The following PCNX3 variants were observed in gnomAD, a reference collection of about 807,000 sequenced individuals.
PCNX3 encodes the protein pecanex 3.
A neutral mutation model predicts 207.2 loss-of-function variants in PCNX3; 58 were observed. That is an observed-to-expected ratio of 0.28 (90% CI 0.23 to 0.35). The LOEUF is 0.35. Ranked by LOEUF, PCNX3 falls within the 10% of genes least tolerant of loss-of-function variation. The pLI is 1.00. For synonymous variants in PCNX3, 1,337 were observed against 1,183.5 expected (o/e 1.13, Z -2.66); for missense variants, 2,410 against 2,774.4 (o/e 0.87, Z 2.95).
In PCNX3 at chr11:65,616,853, C is replaced by T. The variant is rs776059910; in HGVS notation, c.183C>T (p.Gly61=). The T allele has an allele frequency of 6.8e-6, 11 of 1,613,338 alleles. No homozygotes were observed. The highest frequency in any genetic ancestry group is 1.6e-4 in the Middle Eastern group (1 of 6,082). The stretch of plus-strand genomic sequence containing the variant: ...TGCCTCCCAGCTTGATGGTGGCCGG[C>T]GTGTACTGCCTCGTGGTGGCTGTCA... The part of the protein sequence containing the change: ...MVLPPSLMVA[G]VYCLVVAVIF... Residue 61 remains glycine (G), a synonymous_variant, in exon 2 of 35, where the codon GGC becomes GGT. Coordinates refer to ENST00000355703, the MANE Select transcript of PCNX3 (RefSeq NM_032223.4).
In PCNX3 at chr11:65,618,943, C is replaced by T; in HGVS notation, c.1581C>T (p.Ala527=). 6.2e-7 allele frequency: 1 copy of T among 1,605,910 alleles called. No individual in the cohort carries two copies. Among genetic ancestry groups the T allele is most frequent in the Non-Finnish European group, 8.5e-7 (1 of 1,177,688 alleles). The change falls in exon 6 of 35, where the codon GCC becomes GCT. Residue 527 remains alanine (A), a synonymous_variant. Transcript: ENST00000355703. ...PLAGCKAELE[A]QVGVEQAASE... is the part of the protein sequence containing the mutation. ...CTGGCTGCAAGGCAGAGCTGGAGGC[C>T]CAGGTTGGGGTGGAGCAGGCTGCTA...
chr11:65,627,029 C>T lies in PCNX3; in HGVS notation c.3505C>T (p.Pro1169Ser). 6.5e-7 allele frequency: 1 copy of T among 1,528,382 alleles called. No individual in the cohort carries two copies. Among genetic ancestry groups the T allele is most frequent in the Non-Finnish European group, 8.8e-7 (1 of 1,135,580 alleles). 94.7% of individuals were successfully genotyped at this position (1,528,382 alleles called of 1,614,324 possible). ...GGACGCCCACACAGTCGTCAGCCAC[C>T]CGGACAAGTACTGCTTCTAGTGAGG... ...TVDAHTVVSH[P>S]DKYCFYCRAL... The change falls in exon 21 of 35, where the codon CCG becomes TCG. Residue 1169 changes from proline (P) to serine (S), a missense_variant. Physicochemically the swap from Pro to Ser is moderately conservative, Grantham distance 74 (BLOSUM62 -1). Coordinates refer to ENST00000355703, the MANE Select transcript of PCNX3 (RefSeq NM_032223.4).
At chr11:65,619,257 T>TCCACATCCTTGAC (rs1854937087) in intron 6 of PCNX3, among the ~76,000 whole-genome samples, 190 bp downstream of exon 6, 3 of 152,110 alleles carry the variant, frequency 2.0e-5, no homozygotes, top group Non-Finnish European at 1.5e-5. Flanking sequence ...GCCACCTGGC[T>TCCACATCCTTGAC]CCACATCCTT....
In PCNX3 at chr11:65,635,937, C is replaced by T; in HGVS notation, c.5459+134C>T. On this transcript the variant is annotated intron_variant, in intron 32 of 34. Transcript: ENST00000355703. This position sits in a 1 kb window ranked among gnomAD's most constrained non-coding sequence, Gnocchi z 9.9. ...AGAGATGACCCCCTCCCAGAGCTGA[C>T]CTGCCCCTCCTAGATGTCACCTTAC... 7.5e-7 allele frequency: 1 copy of T among 1,325,862 alleles called. No individual in the cohort carries two copies. Among genetic ancestry groups the T allele is most frequent in the Non-Finnish European group, 1.0e-6 (1 of 988,230 alleles). 82.1% of individuals were successfully genotyped at this position (1,325,862 alleles called of 1,614,324 possible).
Position 65,635,368 on chromosome 11 carries a change from C to T in PCNX3, c.5104C>T (p.Arg1702Cys), listed in dbSNP as rs1023840698. Residue 1702 changes from arginine to cysteine, a missense_variant, in exon 31 of 35, where the codon CGC (arginine) becomes TGC (cysteine). Coordinates refer to ENST00000355703, the MANE Select transcript of PCNX3 (RefSeq NM_032223.4). This position sits in a 1 kb window ranked among gnomAD's most constrained non-coding sequence, Gnocchi z 9.9. ...LSNTPSLLAL[R>C]HVLDDASDEY... Reference sequence around the variant, plus strand: ...CAACACGCCCTCCCTGCTGGCGCTGCGCCATGTCCTGGATGATGCCTCCGA... The same window carrying T: ...CAACACGCCCTCCCTGCTGGCGCTGTGCCATGTCCTGGATGATGCCTCCGA... 1.9e-6 allele frequency: 3 copies of T among 1,611,846 alleles called. No individual in the cohort carries two copies. Among genetic ancestry groups the T allele is most frequent in the Non-Finnish European group, 2.5e-6 (3 of 1,179,556 alleles).
chr11:65,627,608 C>G (rs757766691), intron 22 of PCNX3, 26 bp downstream of exon 22: 1 of 1,610,482 alleles, frequency 6.2e-7, no homozygotes, highest in Non-Finnish European at 8.5e-7. Context: ...TGGCCCAGAC[C>G]CCAGGCTGTC....
At chr11:65,622,720 T>C (rs923948387) in intron 11 of PCNX3, among the ~76,000 whole-genome samples, 10 of 151,894 alleles carry the variant, frequency 6.6e-5, no homozygotes, top group Non-Finnish European at 1.3e-4. Context: ...CTCAGCCTCC[T>C]GAGTAGCTGG....
Position 65,629,531 on chromosome 11 carries a change from A to G in PCNX3, c.4012A>G (p.Asn1338Asp), listed in dbSNP as rs766725605. Residue 1338 changes from asparagine to aspartate, a missense_variant, in exon 26 of 35, where the codon AAC (asparagine) becomes GAC (aspartate). By Grantham distance (23) the Asn-to-Asp change is conservative (BLOSUM62 1). This residue lies in a region of PCNX3 where 420 missense variants were observed against 705.3 expected (regional missense o/e 0.60). Coordinates refer to ENST00000355703, the MANE Select transcript of PCNX3 (RefSeq NM_032223.4). Reference sequence around the variant, plus strand: ...GTTCTGGGTCTTAGGCGCTGATGACAACAACCTCAACTCCATCTTCTATGA... The same window carrying G: ...GTTCTGGGTCTTAGGCGCTGATGACGACAACCTCAACTCCATCTTCTATGA... The part of the protein sequence containing the change: ...QLDRNPGADD[N>D]NLNSIFYEHL... 8 of 1,613,570 alleles carry G rather than the reference A, an allele frequency of 5.0e-6. No individual in the cohort carries two copies. The highest frequency in any genetic ancestry group is 1.6e-4 in the Middle Eastern group (1 of 6,084).
Position 65,620,282 on chromosome 11 carries a change from C to T in PCNX3, c.2009-57C>T, listed in dbSNP as rs922488287. Reference sequence around the variant, plus strand: ...TGATGGGTCTGGTGCCCACGTGAGCCGGGCCTTGGTGCTTCTGTCTCTGCC... The same window carrying T: ...TGATGGGTCTGGTGCCCACGTGAGCTGGGCCTTGGTGCTTCTGTCTCTGCC... On this transcript the variant is annotated intron_variant, in intron 8 of 34. Transcript: ENST00000355703. 4.5e-5 allele frequency: 68 copies of T among 1,526,162 alleles called. No individual in the cohort carries two copies. In the East Asian group the frequency reaches 7.7e-4, roughly 17 times the overall value. 94.5% of individuals were successfully genotyped at this position (1,526,162 alleles called of 1,614,324 possible).
rs1855276336 is a variant in PCNX3, at chr11:65,624,482, T to G, written c.2728T>G (p.Cys910Gly). ...ARDVATVFTL[C>G]FPFVFLLGLL... ...CCCCTCCCTGCCAGTGTTCACCCTG[T>G]GCTTCCCCTTCGTCTTCCTCCTGGG... The change falls in exon 15 of 35, where the codon TGC (cysteine) becomes GGC (glycine). Residue 910 changes from cysteine to glycine, a missense_variant. By Grantham distance (159) the Cys-to-Gly change is radical (BLOSUM62 -3). Transcript: ENST00000355703. 1 of 1,600,088 alleles carries G rather than the reference T, an allele frequency of 6.2e-7. No homozygotes were observed. The highest frequency in any genetic ancestry group is 1.7e-5 in the Admixed American group (1 of 58,196).
intron 23 of PCNX3, 44 bp from the exon 24 acceptor site, chr11:65,628,775 G>GGGGGGGGGGGGGGGGGGGGGGGGGC: frequency 2.7e-6 from 4 of 1,500,460 alleles, no homozygotes; most frequent in Non-Finnish European, 2.7e-6. Flanking sequence ...GTGGTGGGGG[G>GGGGGGGGGGGGGGGGGGGGGGGGGC]CTGGGAGGTC....
At chr11:65,631,867 CCTT>C in intron 27 of PCNX3, among the ~76,000 whole-genome samples, 1 of 152,070 alleles carries the variant, frequency 6.6e-6, no homozygotes, top group Admixed American at 6.5e-5. Context: ...CCCTGGCTGT[CCTT>C]CTCCAAAGGA....
rs61739949 is a variant in PCNX3, at chr11:65,635,744, G to A, written c.5400G>A (p.Leu1800=). 1.6e-3 allele frequency: 2,559 copies of A among 1,604,018 alleles called. 34 individuals are homozygous for A. In the African/African-American group the frequency reaches 0.031, roughly 20 times the overall value. The change falls in exon 32 of 35, where the codon CTG becomes CTA. Residue 1800 remains leucine, a synonymous_variant. Coordinates refer to ENST00000355703, the MANE Select transcript of PCNX3 (RefSeq NM_032223.4). This position sits in a 1 kb window ranked among gnomAD's most constrained non-coding sequence, Gnocchi z 9.9. The stretch of plus-strand genomic sequence containing the variant: ...GCAGCCACCCCCAGCTACGGGCACT[G>A]TGGGGTGGCCCCATCAGCCTGGGTG... ...LAGSHPQLRA[L]WGGPISLGAI...
At chr11:65,623,349 T>C (rs1349948687) in intron 11 of PCNX3, 142 bp from the exon 12 acceptor site, 14 of 1,089,450 alleles carry the variant, frequency 1.3e-5, no homozygotes, top group East Asian at 2.8e-5. Context: ...CGCAAAGTTA[T>C]AGGTGTTCAC....
intron 15 of PCNX3, among the ~76,000 whole-genome samples, 157 bp from the exon 16 acceptor site, chr11:65,624,768 C>G (rs1855293471): frequency 6.6e-6 from 1 of 152,216 alleles, no homozygotes; most frequent in Non-Finnish European, 1.5e-5. Flanking sequence ...ATCTTGGAAG[C>G]TCTAAAGGCC....
In PCNX3 at chr11:65,634,606, G is replaced by A; in HGVS notation, c.4770G>A (p.Arg1590=). The part of the protein sequence containing the change: ...LCFGLCVLGR[R]ALGTASHSMS... ...TTGGCCTGTGTGTGCTGGGCCGCCG[G>A]GCCCTGGGGACAGCCTCTCACAGCA... The change falls in exon 29 of 35, where the codon CGG becomes CGA. Residue 1590 remains arginine (R), a synonymous_variant. Coordinates refer to ENST00000355703, the MANE Select transcript of PCNX3 (RefSeq NM_032223.4). 7 of 1,603,374 alleles carry A rather than the reference G, an allele frequency of 4.4e-6. No homozygotes were observed. Among genetic ancestry groups the A allele is most frequent in the Non-Finnish European group, 5.9e-6 (7 of 1,178,828 alleles).
In PCNX3 at chr11:65,619,771, A is replaced by G; in HGVS notation, c.1847A>G (p.Gln616Arg). ...GSPPSSLQEA[Q>R]RGRAASHSRA... ...CTCTCCAGCAGCCTGCAGGAAGCTC[A>G]GCGGGGCCGGGCTGCCTCCCACTCC... Residue 616 changes from glutamine to arginine, a missense_variant, in exon 8 of 35, where the codon CAG (glutamine) becomes CGG (arginine). By Grantham distance (43) the Gln-to-Arg change is conservative. Around this residue, in one of 8 missense-constraint regions of PCNX3, gnomAD observed 1,104 missense variants for 970.3 expected, o/e 1.14. Transcript: ENST00000355703. The G allele has an allele frequency of 1.3e-6, 2 of 1,574,300 alleles. No homozygotes were observed. The highest frequency in any genetic ancestry group is 1.7e-6 in the Non-Finnish European group (2 of 1,166,680).
chr11:65,617,142 C>G, intron 2 of PCNX3, 108 bp from the exon 3 acceptor site: 1 of 1,397,968 alleles, frequency 7.2e-7, no homozygotes, highest in Non-Finnish European at 9.8e-7. Flanking sequence ...TGTGTTAGCC[C>G]TGGAATTGTA....
At chr11:65,632,912 T>C (rs543297107) in intron 27 of PCNX3, among the ~76,000 whole-genome samples, 1 of 151,498 alleles carries the variant, frequency 6.6e-6, no homozygotes, top group African/African-American at 2.4e-5. Flanking sequence ...GCCTGGCTAA[T>C]TTTTGTATTT....
Sources: gnomAD v4.1 joint callset for allele counts (sites outside exome capture counted in the v4.1 genomes callset) on GRCh38, gnomAD v4.1.1 for gene constraint, gnomAD v4.1.1 regional missense constraint, Gnocchi (gnomAD v3.1) non-coding constraint, MANE v1.5 for transcripts, NCBI Gene and HGNC (gene_info 2026-07-23, HGNC 2026-07-21) for gene names.